Variants in DCLK2 observed in about 807,000 individuals in gnomAD.
DCLK2 encodes doublecortin like kinase 2.
In DCLK2, 31 loss-of-function variants were observed where a neutral mutation model predicts 78.4. The ratio of observed to expected loss-of-function variants is 0.40; its 90% confidence interval spans 0.30 to 0.53. The LOEUF (loss-of-function observed/expected upper bound fraction) is 0.53, where lower values mean the gene tolerates loss of function less well. Ranked by LOEUF, DCLK2 falls within the 20% of genes least tolerant of loss-of-function variation. DCLK2 has a pLI of 0.61. For synonymous variants in DCLK2, 407 were observed against 374.9 expected (o/e 1.09, Z -0.99); for missense variants, 872 against 973.7 (o/e 0.90, Z 1.39).
intron 2 of DCLK2, among the ~76,000 whole-genome samples, chr4:150,175,192 T>TAAATATATTTATATATATTTATA (rs1736969130): frequency 1.3e-5 from 1 of 79,204 alleles, no homozygotes; most frequent in Non-Finnish European, 2.5e-5. Context: ...ATTTATAATT[T>TAAATATATTTATATATATTTATA]ATCTATATAT....
At chr4:150,126,859 C>A (rs560642440) in intron 2 of DCLK2, among the ~76,000 whole-genome samples, 1 of 152,286 alleles carries the variant, frequency 6.6e-6, no homozygotes, top group Admixed American at 6.5e-5. Flanking sequence ...AATCCAGGAT[C>A]CCACATGGAT....
intron 2 of DCLK2, among the ~76,000 whole-genome samples, chr4:150,187,424 A>G (rs1265834469): frequency 1.3e-5 from 2 of 152,150 alleles, no homozygotes; most frequent in African/African-American, 4.8e-5. Context: ...TCTGCCTGGA[A>G]CACTTTCCCT....
chr4:150,199,015 T>A, intron 4 of DCLK2: 2 of 1,584,550 alleles, frequency 1.3e-6, no homozygotes, highest in Non-Finnish European at 1.7e-6. Flanking sequence ...CTGTGTATAC[T>A]GCATGTGTAC....
rs4618294 is a variant in DCLK2, at chr4:150,087,822, G to A, written c.421+8374G>A. 8.3e-4 allele frequency among the ~76,000 whole-genome samples: 127 copies of A among 152,254 alleles called. 1 individual carries two copies. Among genetic ancestry groups the A allele is most frequent in the Non-Finnish European group, 1.4e-3 (97 of 68,008 alleles). On this transcript the variant is annotated intron_variant, in intron 1 of 15. Transcript: ENST00000296550. ...AGGTCAAATCATTTCTTTATAGCCAGTTTTTACATACAAAGTGAAGGGGAA... is the reference window on the plus strand; with the variant it reads ...AGGTCAAATCATTTCTTTATAGCCAATTTTTACATACAAAGTGAAGGGGAA...
chr4:150,087,749 A>G lies in DCLK2; in HGVS notation c.421+8301A>G, dbSNP rs547418084. On this transcript the variant is annotated intron_variant, in intron 1 of 15. Coordinates refer to ENST00000296550, the MANE Select transcript of DCLK2 (RefSeq NM_001040260.4). ...CATTCCTTTCTTCTGGGTGTGGGGC[A>G]GGACCCTCTCTGGAATGGGGGTCTT... Among the ~76,000 whole-genome samples the G allele has an allele frequency of 3.9e-5, 6 of 152,360 alleles. No individual in the cohort carries two copies. The South Asian group carries it at 8.3e-4, about 21-fold the overall frequency.
At chr4:150,079,511 G>T in intron 1 of DCLK2, 63 bp downstream of exon 1, 3 of 1,418,410 alleles carry the variant, frequency 2.1e-6, no homozygotes, top group Non-Finnish European at 2.8e-6. Flanking sequence ...GTGGGCGTGA[G>T]CCGGCGCAGC....
intron 14 of DCLK2, 114 bp downstream of exon 14, chr4:150,248,499 ATGTC>A (rs1160151498): frequency 4.7e-6 from 4 of 842,626 alleles, no homozygotes; most frequent in East Asian, 2.5e-5. Flanking sequence ...TCCATGGTAG[ATGTC>A]TGTCTGTCCC....
At chr4:150,188,354 A>G (rs1184890558) in intron 2 of DCLK2, among the ~76,000 whole-genome samples, 1 of 152,130 alleles carries the variant, frequency 6.6e-6, no homozygotes, top group Non-Finnish European at 1.5e-5. Flanking sequence ...GCATGCCTGT[A>G]GTCCCTGGAA....
chr4:150,085,845 G>T (rs564431338), intron 1 of DCLK2, among the ~76,000 whole-genome samples: 4 of 152,282 alleles, frequency 2.6e-5, no homozygotes, highest in Admixed American at 2.6e-4. Context: ...AAGTCACTCT[G>T]TTTTTTGTAT....
chr4:150,079,579 T>C, intron 1 of DCLK2, 131 bp downstream of exon 1: 5 of 959,856 alleles, frequency 5.2e-6, no homozygotes, highest in Non-Finnish European at 7.4e-6. Context: ...TGTCTGCTTC[T>C]CTAGAGATTG....
rs1387736623 is a variant in DCLK2, at chr4:150,224,434, G to A, written c.1242-67G>A. ...AAAAAAAAAATTAAAGTATAAAAAA[G>A]AAAGAAAACAGGAATGATGGTATTT... On this transcript the variant is annotated intron_variant, in intron 7 of 15. Coordinates refer to ENST00000296550, the MANE Select transcript of DCLK2 (RefSeq NM_001040260.4). The A allele has an allele frequency of 4.3e-6, 6 of 1,393,804 alleles. No individual in the cohort carries two copies. In the African/African-American group the frequency reaches 7.3e-5, roughly 17 times the overall value. The allele number at this position is 1,393,804 out of a possible 1,614,324, so 86.3% of individuals were successfully genotyped here.
intron 2 of DCLK2, among the ~76,000 whole-genome samples, chr4:150,177,076 T>C (rs1358846952): frequency 6.6e-6 from 1 of 152,226 alleles, no homozygotes; most frequent in Non-Finnish European, 1.5e-5. Flanking sequence ...CTTTTATGCA[T>C]TCCCTGTGAA....
chr4:150,240,273 G>C (rs1250428775), intron 11 of DCLK2, 126 bp from the exon 12 acceptor site: 1 of 799,350 alleles, frequency 1.3e-6, no homozygotes, highest in Non-Finnish European at 2.0e-6. Flanking sequence ...ATCTCTATGT[G>C]AAATGAAATG....
intron 2 of DCLK2, among the ~76,000 whole-genome samples, chr4:150,136,974 TTCTTC>T (rs1159069479): frequency 7.4e-6 from 1 of 134,662 alleles, no homozygotes; most frequent in East Asian, 2.2e-4. Flanking sequence ...TTTCTTCTTC[TTCTTC>T]TTTTTTTTTT....
At chr4:150,212,916 G>T (rs1342707715) in intron 5 of DCLK2, among the ~76,000 whole-genome samples, 1 of 152,204 alleles carries the variant, frequency 6.6e-6, no homozygotes, top group Non-Finnish European at 1.5e-5. Context: ...GATTGTCATT[G>T]TGGCTGCTTG....
At chr4:150,167,517 G>A (rs73860533) in intron 2 of DCLK2, among the ~76,000 whole-genome samples, 3,191 of 152,008 alleles carry the variant, frequency 0.021, 101 homozygotes, top group African/African-American at 0.074. Flanking sequence ...CACACCTACC[G>A]GCAAAAAAGG....
intron 2 of DCLK2, among the ~76,000 whole-genome samples, chr4:150,135,537 G>A (rs1733629761): frequency 1.3e-5 from 2 of 152,170 alleles, no homozygotes; most frequent in Non-Finnish European, 2.9e-5. Context: ...CAATGAAGGA[G>A]AATAAAATAC....
At chr4:150,138,475 G>T (rs1733851718) in intron 2 of DCLK2, among the ~76,000 whole-genome samples, 1 of 152,160 alleles carries the variant, frequency 6.6e-6, no homozygotes, top group Admixed American at 6.5e-5. Context: ...AAGGCATGGT[G>T]GTGCATGGCT....
intron 1 of DCLK2, among the ~76,000 whole-genome samples, chr4:150,096,205 G>T (rs910142364): frequency 6.6e-6 from 1 of 152,204 alleles, no homozygotes; most frequent in African/African-American, 2.4e-5. Flanking sequence ...TGTTGAATGT[G>T]GGGGAAGGGC....
Sources: gnomAD v4.1 joint callset for allele counts (sites outside exome capture counted in the v4.1 genomes callset) on GRCh38, gnomAD v4.1.1 for gene constraint, MANE v1.5 for transcripts, NCBI Gene and HGNC (gene_info 2026-07-23, HGNC 2026-07-21) for gene names.